Variants in MTRR observed in about 807,000 individuals in gnomAD.
The protein encoded by MTRR is methionine synthase reductase.
In MTRR, 63 loss-of-function variants were observed where a neutral mutation model predicts 79.2. The observed-to-expected ratio is 0.80, with a 90% confidence interval of 0.65 to 0.98. The LOEUF is 0.98. Ranked by LOEUF, MTRR falls within the 50% of genes least tolerant of loss-of-function variation. The pLI, the probability that MTRR is intolerant of heterozygous loss-of-function variation, is 0.00. For synonymous variants in MTRR, 355 were observed against 313.3 expected (o/e 1.13, Z -1.41); for missense variants, 895 against 839.6 (o/e 1.07, Z -0.82).
chr5:7,874,747 G>A (rs910565057), intron 3 of MTRR, among the ~76,000 whole-genome samples: 5 of 152,096 alleles, frequency 3.3e-5, no homozygotes. Flanking sequence ...GGTCCAGATA[G>A]TAAATATTTT....
chr5:7,895,136 G>T (rs1273561015), intron 11 of MTRR, among the ~76,000 whole-genome samples: 1 of 152,184 alleles, frequency 6.6e-6, no homozygotes, highest in Admixed American at 6.5e-5. Flanking sequence ...AGTGAAACTG[G>T]AAGTGAAACA....
chr5:7,868,813 GT>G (rs1475618419), upstream of MTRR, among the ~76,000 whole-genome samples: 4 of 152,166 alleles, frequency 2.6e-5, no homozygotes, highest in Admixed American at 6.5e-5. Context: ...CCCGCGGCGC[GT>G]TTTCCTAGGA....
At chr5:7,888,323 A>G (rs899329175) in intron 8 of MTRR, among the ~76,000 whole-genome samples, 5 of 152,238 alleles carry the variant, frequency 3.3e-5, no homozygotes, top group African/African-American at 4.8e-5. Flanking sequence ...TTGTAGTTCT[A>G]AAGTGAAAAA....
intron 2 of MTRR, among the ~76,000 whole-genome samples, chr5:7,872,738 G>C (rs1225697489): frequency 6.6e-6 from 1 of 152,150 alleles, no homozygotes; most frequent in African/African-American, 2.4e-5. Flanking sequence ...TATTCTACTT[G>C]TTGCTTCCTT....
At position 7,895,802 on chromosome 5, in the gene MTRR, G is replaced by T; in HGVS notation, c.1626G>T (p.Met542Ile). 1 of 1,614,090 alleles carries T rather than the reference G, an allele frequency of 6.2e-7. No individual in the cohort carries two copies. Among genetic ancestry groups the T allele is most frequent in the Non-Finnish European group, 8.5e-7 (1 of 1,179,992 alleles). ...ATGACCCCTCAATCCCCATCATAAT[G>T]GTGGGTCCAGGAACCGGCATAGCCC... ...LPDDPSIPII[M>I]VGPGTGIAPF... Residue 542 changes from methionine to isoleucine, a missense_variant, in exon 12 of 15, where the codon ATG (methionine) becomes ATT (isoleucine). Coordinates refer to ENST00000440940, the MANE Select transcript of MTRR (RefSeq NM_002454.3).
Position 7,869,151 on chromosome 5 carries a change from G to T in MTRR, c.-90G>T. 1 of 1,613,154 alleles carries T rather than the reference G, an allele frequency of 6.2e-7. No individual in the cohort carries two copies. Among genetic ancestry groups the T allele is most frequent in the Non-Finnish European group, 8.5e-7 (1 of 1,179,838 alleles). ...TACCGAGCATGGGCGCTGCGTCAGT[G>T]CGCGCTGGCGCAAGGTTGGTGGAAG... On this transcript the variant is annotated 5_prime_UTR_variant, in exon 1 of 15. Coordinates refer to ENST00000440940, the MANE Select transcript of MTRR (RefSeq NM_002454.3).
chr5:7,899,450 G>A (rs1383864037), intron 14 of MTRR, among the ~76,000 whole-genome samples: 5 of 152,190 alleles, frequency 3.3e-5, no homozygotes, highest in African/African-American at 1.2e-4. Context: ...AAAGGACCTG[G>A]CACATAGTAA....
In MTRR at chr5:7,873,430, G is replaced by A. The variant is rs759310852; in HGVS notation, c.187G>A (p.Gly63Arg). Reference protein sequence around the residue: ...LVVVVSTTGTGDPPDTARKFV... With the variant: ...LVVVVSTTGTRDPPDTARKFV... Reference sequence around the variant, plus strand: ...TGTTGTGGTTTCTACCACGGGCACCGGAGACCCACCCGACACAGCCCGCAA... The same window carrying A: ...TGTTGTGGTTTCTACCACGGGCACCAGAGACCCACCCGACACAGCCCGCAA... Residue 63 changes from glycine to arginine, a missense_variant, in exon 3 of 15, where the codon GGA becomes AGA. Transcript: ENST00000440940. The A allele has an allele frequency of 1.4e-5, 22 of 1,614,030 alleles. No individual in the cohort carries two copies. The highest frequency in any genetic ancestry group is 1.9e-5 in the Non-Finnish European group (22 of 1,180,034).
At chr5:7,856,589 G>A (rs746091753) in intron 1 of MTRR, among the ~76,000 whole-genome samples, 3 of 151,876 alleles carry the variant, frequency 2.0e-5, no homozygotes, top group East Asian at 1.9e-4. Context: ...CTTACAAGAC[G>A]TGTCTCATTT....
chr5:7,886,669 C>T lies in MTRR; in HGVS notation c.1112C>T (p.Thr371Ile). ...PAGCSLQFIF[T>I]WCLEIRAIPK... ...GGATGTTCTCTCCAGTTCATTTTTA[C>T]CTGGTGTCTTGAAATCCGAGCAATT... Residue 371 changes from threonine (T) to isoleucine (I), a missense_variant, in exon 8 of 15, where the codon ACC becomes ATC. Thr to Ile is a moderately conservative substitution (Grantham distance 89). Transcript: ENST00000440940. The T allele has an allele frequency of 6.2e-7, 1 of 1,613,916 alleles. No individual in the cohort carries two copies. Among genetic ancestry groups the T allele is most frequent in the Non-Finnish European group, 8.5e-7 (1 of 1,179,832 alleles).
intron 1 of MTRR, chr5:7,859,389 CATAAAAAT>C: frequency 1.6e-6 from 2 of 1,238,596 alleles, no homozygotes; most frequent in Non-Finnish European, 1.2e-6. Flanking sequence ...TACTGAGTTC[CATAAAAAT>C]GCAAGTTCTT....
chr5:7,860,395 T>C (rs1746452907), intron 1 of MTRR, among the ~76,000 whole-genome samples: 1 of 152,252 alleles, frequency 6.6e-6, no homozygotes. Flanking sequence ...AAGCTCCTTA[T>C]TTTAATGGAT....
At chr5:7,868,738 C>A (rs570769902), upstream of MTRR, among the ~76,000 whole-genome samples, 8 of 152,318 alleles carry the variant, frequency 5.3e-5, no homozygotes, top group Admixed American at 2.6e-4. Context: ...GGCGGCCAGT[C>A]CAGATCTAAA....
chr5:7,900,404 G>A lies in MTRR; in HGVS notation c.*346G>A, dbSNP rs1268748570. The A allele has an allele frequency of 7.5e-6, 2 of 267,268 alleles. No individual in the cohort carries two copies. Among genetic ancestry groups the A allele is most frequent in the Non-Finnish European group, 1.4e-5 (2 of 139,300 alleles). The allele number at this position is 267,268 out of a possible 1,614,324, so 16.6% of individuals were successfully genotyped here. ...TCCATGCAAAGGCTTCCTGAAATAG[G>A]GAGACTGACTGAGTAGCTCATTCTT... On this transcript the variant is annotated 3_prime_UTR_variant, in exon 15 of 15. Transcript: ENST00000440940.
intron 9 of MTRR, 44 bp from the exon 10 acceptor site, chr5:7,891,328 C>G: frequency 1.6e-6 from 1 of 611,998 alleles, no homozygotes; most frequent in Non-Finnish European, 2.8e-6. Context: ...AGGTTATTTT[C>G]AGTAGTAGTG....
chr5:7,896,951 A>T lies in MTRR; in HGVS notation c.1764A>T (p.Leu588=), dbSNP rs766927577. The T allele has an allele frequency of 6.2e-7, 1 of 1,614,008 alleles. No homozygotes were observed. The highest frequency in any genetic ancestry group is 2.2e-5 in the East Asian group (1 of 44,868). ...GCAGGCATAAGGATAGGGATTATCT[A>T]TTCAGGTATTGTACAATTCCAGTAT... The part of the protein sequence containing the change: ...FGCRHKDRDY[L]FRKELRHFLK... The change falls in exon 13 of 15, where the codon CTA becomes CTT. Residue 588 remains leucine (L), a synonymous_variant. Transcript: ENST00000440940.
chr5:7,866,720 CATGA>C (rs1176323154), upstream of MTRR: 1 of 1,613,236 alleles, frequency 6.2e-7, no homozygotes, highest in African/African-American at 1.3e-5. Context: ...ATTAAGTGAA[CATGA>C]ATGAAGAAGT....
At position 7,895,726 on chromosome 5, in the gene MTRR, T is replaced by C. The variant is rs2126807577; in HGVS notation, c.1558-8T>C. On this transcript the variant is annotated splice_region_variant and splice_polypyrimidine_tract_variant and intron_variant, in intron 11 of 14. Transcript: ENST00000440940. ...TTCATACTTACCACATTTGATGTAATATTTCAGATATCCATCTCTCCTCGA... is the reference window on the plus strand; with the variant it reads ...TTCATACTTACCACATTTGATGTAACATTTCAGATATCCATCTCTCCTCGA... 6.8e-6 allele frequency: 11 copies of C among 1,613,912 alleles called. No individual in the cohort carries two copies. Among genetic ancestry groups the C allele is most frequent in the Admixed American group, 1.7e-5 (1 of 60,028 alleles).
At chr5:7,899,585 G>A (rs1426203445) in intron 14 of MTRR, among the ~76,000 whole-genome samples, 1 of 152,188 alleles carries the variant, frequency 6.6e-6, no homozygotes, top group Non-Finnish European at 1.5e-5. Context: ...CAGGGAATGA[G>A]GGGTGAGCCA....
Sources: allele counts gnomAD v4.1 joint callset (sites outside exome capture counted in the v4.1 genomes callset), GRCh38; gene constraint gnomAD v4.1.1; transcripts MANE v1.5; gene names NCBI Gene and HGNC (gene_info 2026-07-23, HGNC 2026-07-21).